Variants in TBC1D14 observed in about 807,000 individuals in gnomAD.
The protein encoded by TBC1D14 is TBC1 domain family, member 14.
In TBC1D14, 26 loss-of-function variants were observed where a neutral mutation model predicts 79.0. The ratio of observed to expected loss-of-function variants is 0.33; its 90% CI spans 0.24 to 0.46. The LOEUF (loss-of-function observed/expected upper bound fraction) is 0.46. Ranked by LOEUF, TBC1D14 falls within the 20% of genes least tolerant of loss-of-function variation. The probability of loss-of-function intolerance (pLI) is 1.00; values close to 1 mark genes in which losing one functional copy is unlikely to be tolerated. For missense variants in TBC1D14, 769 were observed against 887.6 expected (o/e 0.87, Z 1.70); for synonymous variants, 394 against 349.9 (o/e 1.13, Z -1.40).
intron 13 of TBC1D14, among the ~76,000 whole-genome samples, chr4:7,026,644 C>T (rs1175724859): frequency 6.6e-6 from 1 of 152,186 alleles, no homozygotes; most frequent in Non-Finnish European, 1.5e-5. Context: ...CACCTGTAAT[C>T]CCAGCACTTT....
At chr4:6,987,465 G>A in intron 3 of TBC1D14, 1 of 983,844 alleles carries the variant, frequency 1.0e-6, no homozygotes, top group Non-Finnish European at 1.3e-6. Context: ...GAGGGTGCGA[G>A]TGTGCATGTG....
intron 3 of TBC1D14, among the ~76,000 whole-genome samples, chr4:6,990,663 G>A (rs1042659328): frequency 1.3e-5 from 2 of 152,162 alleles, no homozygotes; most frequent in African/African-American, 4.8e-5. Flanking sequence ...ACCAGTACTT[G>A]CCTGGCACAC....
At chr4:6,976,332 G>A (rs986799315) in intron 3 of TBC1D14, among the ~76,000 whole-genome samples, 8 of 152,036 alleles carry the variant, frequency 5.3e-5, no homozygotes, top group African/African-American at 1.2e-4. Flanking sequence ...TTCAGTGGCC[G>A]CCAAACAAAA....
Position 6,955,179 on chromosome 4 carries a change from T to C in TBC1D14, c.723-12125T>C, listed in dbSNP as rs965037169. Among the ~76,000 whole-genome samples the C allele has an allele frequency of 8.5e-5, 13 of 152,358 alleles. 1 individual carries two copies. Among genetic ancestry groups the C allele is most frequent in the Admixed American group, 5.9e-4 (9 of 15,298 alleles). On this transcript the variant is annotated intron_variant, in intron 2 of 13. Transcript: ENST00000409757. ...AGAGGGCTGGCCCTTTTCCCTTGCA[T>C]TTTCAAAGGAGAGTCAGAGGCCCCT...
intron 2 of TBC1D14, among the ~76,000 whole-genome samples, chr4:6,925,294 C>T (rs932587270): frequency 3.3e-5 from 5 of 152,152 alleles, no homozygotes; most frequent in African/African-American, 1.2e-4. Flanking sequence ...AAAAAAGAAT[C>T]GTGATCTGCT....
chr4:6,984,932 C>T (rs550579115), intron 3 of TBC1D14, among the ~76,000 whole-genome samples: 15 of 152,248 alleles, frequency 9.9e-5, no homozygotes, highest in East Asian at 9.6e-4. Flanking sequence ...TTGTGAACGC[C>T]GAAGAGATGG....
intron 2 of TBC1D14, among the ~76,000 whole-genome samples, chr4:6,960,398 G>A (rs181823858): frequency 2.4e-3 from 359 of 152,030 alleles, no homozygotes; most frequent in African/African-American, 8.2e-3. Context: ...GGCCTACCCC[G>A]TGCCTTTTGC....
chr4:7,022,891 CTT>C (rs570053917), intron 12 of TBC1D14, among the ~76,000 whole-genome samples: 86 of 152,048 alleles, frequency 5.7e-4, no homozygotes, highest in African/African-American at 2.0e-3. Flanking sequence ...GTAGAAATCT[CTT>C]TTGTTCTCTT....
rs1004697772 is a variant in TBC1D14, at chr4:7,030,711, C to T, written c.*319C>T. 23 of 248,530 alleles carry T rather than the reference C, an allele frequency of 9.3e-5. No homozygotes were observed. The highest frequency in any genetic ancestry group is 1.9e-4 in the Non-Finnish European group (23 of 121,272). 15.4% of individuals were successfully genotyped at this position (248,530 alleles called of 1,614,324 possible). On this transcript the variant is annotated 3_prime_UTR_variant, in exon 14 of 14. Coordinates refer to ENST00000409757, the MANE Select transcript of TBC1D14 (RefSeq NM_020773.3). ...AAAAGCTAATTAAATTGTAATGTTTCTATGTCAACTACTGGGAAGTATGTT... is the reference window on the plus strand; with the variant it reads ...AAAAGCTAATTAAATTGTAATGTTTTTATGTCAACTACTGGGAAGTATGTT...
At chr4:6,954,123 G>C in intron 2 of TBC1D14, 1 of 596,496 alleles carries the variant, frequency 1.7e-6, no homozygotes, top group East Asian at 2.8e-5. Flanking sequence ...TGCCGCCCCC[G>C]CCTTTCCGCC....
intron 2 of TBC1D14, among the ~76,000 whole-genome samples, chr4:6,965,903 TA>T (rs958320250): frequency 6.6e-6 from 1 of 152,202 alleles, no homozygotes; most frequent in Admixed American, 6.5e-5. Context: ...ATGTAATTAA[TA>T]AGGAATTTGT....
At chr4:6,925,121 C>T (rs892142223) in intron 2 of TBC1D14, among the ~76,000 whole-genome samples, 4 of 152,078 alleles carry the variant, frequency 2.6e-5, no homozygotes, top group Non-Finnish European at 4.4e-5. Flanking sequence ...GGCAAAACCC[C>T]GTCTCTACTA....
At chr4:6,935,874 C>T (rs1392983344) in intron 2 of TBC1D14, among the ~76,000 whole-genome samples, 3 of 152,088 alleles carry the variant, frequency 2.0e-5, no homozygotes, top group African/African-American at 7.2e-5. Context: ...GAATTCCTGA[C>T]CTCAAGTGAT....
At chr4:6,933,839 A>G (rs560871084) in intron 2 of TBC1D14, among the ~76,000 whole-genome samples, 179 of 152,326 alleles carry the variant, frequency 1.2e-3, no homozygotes, top group African/African-American at 4.2e-3. Flanking sequence ...AGGGCAGAGC[A>G]GGGAGTCTGA....
At chr4:6,922,217 T>C (rs1056387734) in intron 1 of TBC1D14, among the ~76,000 whole-genome samples, 7 of 152,068 alleles carry the variant, frequency 4.6e-5, no homozygotes, top group African/African-American at 1.7e-4. Flanking sequence ...CCACCCCCAG[T>C]TGATTTTTTT....
chr4:7,011,631 A>G (rs1036957611), intron 11 of TBC1D14, among the ~76,000 whole-genome samples: 1 of 151,714 alleles, frequency 6.6e-6, no homozygotes, highest in Non-Finnish European at 1.5e-5. Flanking sequence ...ATCTCAGCTC[A>G]CTACGACCTC....
rs185021149 is a variant in TBC1D14, at chr4:7,019,144, C to T, written c.1757+4587C>T. On this transcript the variant is annotated intron_variant, in intron 12 of 13. Coordinates refer to ENST00000409757, the MANE Select transcript of TBC1D14 (RefSeq NM_020773.3). ...TCACGCCATTCTCCTGCTTCAGCCT[C>T]CTGAGTAGCTGGGACTGCAGGCGCC... is the stretch of plus-strand genomic sequence containing the variant. 1.5e-3 allele frequency among the ~76,000 whole-genome samples: 228 copies of T among 152,230 alleles called. 1 individual carries two copies. The highest frequency in any genetic ancestry group is 5.2e-3 in the African/African-American group (217 of 41,536).
chr4:7,027,788 A>G (rs979128131), intron 13 of TBC1D14, among the ~76,000 whole-genome samples: 14 of 131,164 alleles, frequency 1.1e-4, no homozygotes, highest in South Asian at 2.7e-4. Flanking sequence ...TCCATACACA[A>G]TCACCCCCTA....
At position 6,923,544 on chromosome 4, in the gene TBC1D14, T is replaced by C. The variant is rs1392158162; in HGVS notation, c.155T>C (p.Leu52Pro). ...SAPEYGPKLK[L>P]RALEDRHSLQ... ...CCTGAGTACGGGCCCAAGCTGAAAC[T>C]CAGGGCTTTAGAAGACCGGCACAGC... The change falls in exon 2 of 14, where the codon CTC becomes CCC. Residue 52 changes from leucine to proline, a missense_variant. Leu to Pro is a moderately conservative substitution (Grantham distance 98). Around this residue, in one of 2 missense-constraint regions of TBC1D14, gnomAD observed 402 missense variants for 393.2 expected, o/e 1.02. Coordinates refer to ENST00000409757, the MANE Select transcript of TBC1D14 (RefSeq NM_020773.3). The C allele has an allele frequency of 1.9e-6, 3 of 1,614,124 alleles. No homozygotes were observed. Among genetic ancestry groups the C allele is most frequent in the Non-Finnish European group, 1.7e-6 (2 of 1,180,016 alleles).
Sources: allele counts gnomAD v4.1 joint callset (sites outside exome capture counted in the v4.1 genomes callset), GRCh38; gene constraint gnomAD v4.1.1; regional missense constraint gnomAD v4.1.1; transcripts MANE v1.5; gene names NCBI Gene and HGNC (gene_info 2026-07-23, HGNC 2026-07-21).